TESK2: variants seen among roughly 807,000 people sequenced by gnomAD.
TESK2 encodes the protein dual specificity testis-specific protein kinase 2.
In TESK2, 39 loss-of-function variants were observed where a neutral mutation model predicts 57.1. That is an observed-to-expected ratio of 0.68 (90% confidence interval 0.53 to 0.89). TESK2 has a LOEUF of 0.89. Ranked by LOEUF, TESK2 falls within the 40% of genes least tolerant of loss-of-function variation. The pLI, the probability that TESK2 is intolerant of heterozygous loss-of-function variation, is 0.00. For synonymous variants in TESK2, 249 were observed against 267.9 expected, an observed-to-expected ratio of 0.93 and a Z score of 0.69; for missense variants, 646 against 732.1, an observed-to-expected ratio of 0.88 and a Z score of 1.36.
intron 1 of TESK2, among the ~76,000 whole-genome samples, chr1:45,482,001 G>A (rs1279480172): frequency 6.6e-6 from 1 of 152,160 alleles, no homozygotes; most frequent in Admixed American, 6.6e-5. Context: ...CTGTTTCAGT[G>A]AGCAAGTGTT....
intron 1 of TESK2, among the ~76,000 whole-genome samples, chr1:45,475,209 C>CTTTT (rs375872140): frequency 7.1e-5 from 8 of 113,148 alleles, no homozygotes; most frequent in Admixed American, 1.8e-4. Flanking sequence ...TTAGCCTGGC[C>CTTTT]TTTTTTTTTT....
chr1:45,355,288 G>A lies in TESK2; in HGVS notation c.540+15C>T, dbSNP rs552197014. 1.2e-6 allele frequency: 2 copies of A among 1,613,310 alleles called. No individual in the cohort carries two copies. The highest frequency in any genetic ancestry group is 1.7e-5 in the Admixed American group (1 of 59,864). On this transcript the variant is annotated intron_variant, in intron 5 of 10. Coordinates refer to ENST00000372086, the MANE Select transcript of TESK2 (RefSeq NM_007170.3). ...TGGTATCTCTCAATGAGTTGTGAGA[G>A]TAAAGCCTTCATACCTTAGATGTGA...
intron 2 of TESK2, among the ~76,000 whole-genome samples, chr1:45,447,705 T>C (rs2149296182): frequency 6.6e-6 from 1 of 152,322 alleles, no homozygotes; most frequent in East Asian, 1.9e-4. Context: ...CATAATTATA[T>C]GTGCTATACT....
chr1:45,485,190 G>GTTTTTTTT (rs780419936), intron 1 of TESK2, among the ~76,000 whole-genome samples: 3 of 141,296 alleles, frequency 2.1e-5, no homozygotes, highest in Non-Finnish European at 3.2e-5. Context: ...TTTGTTTTTT[G>GTTTTTTTT]TTTTTTGTTT....
chr1:45,375,707 C>G (rs540133320), intron 4 of TESK2, among the ~76,000 whole-genome samples: 1 of 152,146 alleles, frequency 6.6e-6, no homozygotes, highest in African/African-American at 2.4e-5. Flanking sequence ...CTGGGCAACA[C>G]AGCAAGACCC....
At chr1:45,443,568 CAAAAAAAAAA>C (rs34128016) in intron 2 of TESK2, among the ~76,000 whole-genome samples, 2 of 32,048 alleles carry the variant, frequency 6.2e-5, no homozygotes, top group East Asian at 1.7e-3. Flanking sequence ...AGATCCATCG[CAAAAAAAAAA>C]AAAAAAAAAA....
At chr1:45,465,990 T>G (rs1160255986) in intron 1 of TESK2, among the ~76,000 whole-genome samples, 1 of 152,118 alleles carries the variant, frequency 6.6e-6, no homozygotes, top group Non-Finnish European at 1.5e-5. Flanking sequence ...TGAAAAAAAA[T>G]TGCACAACCA....
At chr1:45,463,459 T>C (rs1309481754) in intron 1 of TESK2, among the ~76,000 whole-genome samples, 2 of 152,238 alleles carry the variant, frequency 1.3e-5, no homozygotes, top group Non-Finnish European at 2.9e-5. Flanking sequence ...GCACCATTCA[T>C]TGAAGAGATT....
At chr1:45,440,816 T>C (rs1651418996) in intron 2 of TESK2, among the ~76,000 whole-genome samples, 1 of 152,094 alleles carries the variant, frequency 6.6e-6, no homozygotes, top group African/African-American at 2.4e-5. Flanking sequence ...CTGACTTTAA[T>C]GAATCAGGCA....
chr1:45,463,020 T>C (rs1282846840), intron 1 of TESK2, among the ~76,000 whole-genome samples: 3 of 152,204 alleles, frequency 2.0e-5, no homozygotes. Flanking sequence ...CTGTTTGCCA[T>C]TTGTATGCCT....
At chr1:45,346,112 A>G (rs1488913844) in intron 9 of TESK2, 118 bp from the exon 10 acceptor site, 1 of 779,268 alleles carries the variant, frequency 1.3e-6, no homozygotes, top group East Asian at 2.5e-5. Context: ...GACCTTTTCT[A>G]AAGGCCCCAG....
chr1:45,459,410 C>T (rs531528959), intron 1 of TESK2, among the ~76,000 whole-genome samples: 5 of 152,316 alleles, frequency 3.3e-5, no homozygotes, highest in South Asian at 4.1e-4. Context: ...TCTAGTTAAT[C>T]TAGTTCTACC....
chr1:45,373,794 C>T lies in TESK2; in HGVS notation c.393+12118G>A, dbSNP rs577389086. On this transcript the variant is annotated intron_variant, in intron 4 of 10. Coordinates refer to ENST00000372086, the MANE Select transcript of TESK2 (RefSeq NM_007170.3). The stretch of plus-strand genomic sequence containing the variant: ...GTGCAGACAGTGATTATGTATCAGG[C>T]ACAGGGATGCAGAAATGCCCCTGAG... Among the ~76,000 whole-genome samples, 4 of 152,274 alleles carry T rather than the reference C, an allele frequency of 2.6e-5. No individual in the cohort carries two copies. The South Asian group carries it at 8.3e-4, about 32-fold the overall frequency.
intron 4 of TESK2, among the ~76,000 whole-genome samples, chr1:45,369,425 G>T (rs1219178067): frequency 6.6e-6 from 1 of 152,060 alleles, no homozygotes; most frequent in East Asian, 1.9e-4. Flanking sequence ...ACCAGAAGGT[G>T]GAGGTTGCAG....
intron 3 of TESK2, among the ~76,000 whole-genome samples, chr1:45,411,753 G>C (rs986919955): frequency 6.6e-6 from 1 of 152,218 alleles, no homozygotes; most frequent in Non-Finnish European, 1.5e-5. Flanking sequence ...ACTGATTTAA[G>C]TGATAACTGC....
At chr1:45,440,724 A>C (rs12354283) in intron 2 of TESK2, among the ~76,000 whole-genome samples, 4,037 of 148,816 alleles carry the variant, frequency 0.027, 64 homozygotes, top group Middle Eastern at 0.065. Flanking sequence ...TCAAAAAAAA[A>C]AAACAAACAA....
Position 45,402,734 on chromosome 1 carries a change from G to A in TESK2, c.345-16774C>T, listed in dbSNP as rs569403199. On this transcript the variant is annotated intron_variant, in intron 3 of 10. Transcript: ENST00000372086. ...CGACTTCAGGTGATCCGCCCACCTC[G>A]GCCTCCCAAAGTGCTGGGATTACAG... Among the ~76,000 whole-genome samples the A allele has an allele frequency of 5.3e-5, 8 of 151,688 alleles. No homozygotes were observed. The South Asian group carries it at 1.0e-3, about 20-fold the overall frequency.
Position 45,426,486 on chromosome 1 carries a change from TC to T in TESK2, c.223-4641del, listed in dbSNP as rs760967891. Reference sequence around the variant, plus strand: ...GGATTAAAGATTTCGATCTAGGACCTCAAACTATGAAACTACTACAAGAAAA... The same window carrying T: ...GGATTAAAGATTTCGATCTAGGACCTAAACTATGAAACTACTACAAGAAAA... On this transcript the variant is annotated intron_variant, in intron 2 of 10. Coordinates refer to ENST00000372086, the MANE Select transcript of TESK2 (RefSeq NM_007170.3). 4.6e-5 allele frequency among the ~76,000 whole-genome samples: 7 copies of T among 152,278 alleles called. No homozygotes were observed. In the East Asian group the frequency reaches 1.2e-3, roughly 25 times the overall value.
At chr1:45,448,484 A>G (rs1651735948) in intron 2 of TESK2, among the ~76,000 whole-genome samples, 1 of 152,072 alleles carries the variant, frequency 6.6e-6, no homozygotes, top group Non-Finnish European at 1.5e-5. Context: ...GCCAGCATCT[A>G]CTTCTGGTGA....
Sources: allele counts gnomAD v4.1 joint callset (sites outside exome capture counted in the v4.1 genomes callset), GRCh38; gene constraint gnomAD v4.1.1; transcripts MANE v1.5; gene names NCBI Gene and HGNC (gene_info 2026-07-23, HGNC 2026-07-21).